Variants in BBS9 observed in about 807,000 individuals in gnomAD.
BBS9 encodes the protein Bardet-Biedl syndrome 9.
BBS9 carries 89 observed loss-of-function variants against 117.7 expected under a neutral mutation model. The observed-to-expected ratio is 0.76, with a 90% CI of 0.64 to 0.90. BBS9 has a LOEUF of 0.90. BBS9 is among the 40% of genes least tolerant of loss of function. BBS9 has a pLI of 0.00. For missense variants in BBS9, 982 were observed against 1,042.2 expected, an observed-to-expected ratio of 0.94 and a Z score of 0.80; for synonymous variants, 379 against 370.9, an observed-to-expected ratio of 1.02 and a Z score of -0.25.
chr7:33,582,289 A>T (rs1324184058), intron 21 of BBS9, among the ~76,000 whole-genome samples: 1 of 152,086 alleles, frequency 6.6e-6, no homozygotes, highest in African/African-American at 2.4e-5. Flanking sequence ...AAAAAGGCAC[A>T]GAGGTGGGGC....
intron 19 of BBS9, among the ~76,000 whole-genome samples, chr7:33,433,647 A>C (rs1016898003): frequency 6.6e-6 from 1 of 152,202 alleles, no homozygotes; most frequent in Non-Finnish European, 1.5e-5. Flanking sequence ...CCTCTGGATC[A>C]GCTAGTCTTG....
intron 16 of BBS9, among the ~76,000 whole-genome samples, chr7:33,364,637 TC>T (rs1242571783): frequency 1.2e-4 from 7 of 59,020 alleles, no homozygotes; most frequent in Non-Finnish European, 2.1e-4. Context: ...TCCTCTCCCC[TC>T]CCCTTCCCCC....
intron 18 of BBS9, among the ~76,000 whole-genome samples, chr7:33,385,023 C>T (rs1825766732): frequency 6.6e-6 from 1 of 152,140 alleles, no homozygotes; most frequent in East Asian, 1.9e-4. Context: ...TTTGCAATTC[C>T]TTGGGATATA....
intron 9 of BBS9, among the ~76,000 whole-genome samples, chr7:33,290,987 A>G (rs17170170): frequency 0.18 from 27,449 of 152,150 alleles, 2,997 homozygotes; most frequent in East Asian, 0.44. Context: ...CAGTTCAGTA[A>G]ATATACCATT....
chr7:33,192,882 C>G (rs947491132), intron 5 of BBS9, among the ~76,000 whole-genome samples: 3 of 152,216 alleles, frequency 2.0e-5, no homozygotes, highest in Non-Finnish European at 2.9e-5. Context: ...TCACAAGGCA[C>G]TAATCCATTC....
rs1452257239 is a variant in BBS9 at position 33,225,036 on chromosome 7, G to A, written c.443-32200G>A. Among the ~76,000 whole-genome samples the A allele has an allele frequency of 4.6e-5, 7 of 152,148 alleles. No homozygotes were observed. The East Asian group carries it at 1.3e-3, about 29-fold the overall frequency. On this transcript the variant is annotated intron_variant, in intron 5 of 22. Coordinates refer to ENST00000242067, the MANE Select transcript of BBS9 (RefSeq NM_198428.3). ...CCAGAGATATATTCTTAGGAGAAAGGCAGAATAAATGCTTTGTTGTTTCCC... is the reference window on the plus strand; with the variant it reads ...CCAGAGATATATTCTTAGGAGAAAGACAGAATAAATGCTTTGTTGTTTCCC...
intron 1 of BBS9, among the ~76,000 whole-genome samples, chr7:33,132,112 G>T (rs540956308): frequency 6.6e-6 from 1 of 152,262 alleles, no homozygotes; most frequent in Admixed American, 6.5e-5. Flanking sequence ...TCAAATTTAT[G>T]ACATACTTGC....
chr7:33,241,162 T>C (rs981669882), intron 5 of BBS9, among the ~76,000 whole-genome samples: 1 of 152,160 alleles, frequency 6.6e-6, no homozygotes, highest in African/African-American at 2.4e-5. Context: ...AATTGCTTGG[T>C]GGCTATTGTG....
chr7:33,381,450 G>A (rs1311205768), intron 17 of BBS9, among the ~76,000 whole-genome samples: 1 of 152,120 alleles, frequency 6.6e-6, no homozygotes, highest in African/African-American at 2.4e-5. Context: ...ATGAATGAAA[G>A]TAAATAAATA....
intron 2 of BBS9, among the ~76,000 whole-genome samples, chr7:33,150,214 T>C (rs1187362538): frequency 1.3e-5 from 2 of 152,246 alleles, no homozygotes; most frequent in Admixed American, 1.3e-4. Context: ...GAAATGTTTC[T>C]GCAGAGTACC....
chr7:33,275,136 G>A (rs1157711074), intron 9 of BBS9, among the ~76,000 whole-genome samples: 1 of 151,562 alleles, frequency 6.6e-6, no homozygotes, highest in Non-Finnish European at 1.5e-5. Flanking sequence ...ATTCATATTT[G>A]CATCAGTGTT....
chr7:33,285,119 C>T lies in BBS9; in HGVS notation c.1016+11163C>T, dbSNP rs142272414. Among the ~76,000 whole-genome samples the T allele has an allele frequency of 5.8e-3, 878 of 152,120 alleles. 11 individuals carry two copies. Among genetic ancestry groups the T allele is most frequent in the African/African-American group, 0.018 (755 of 41,516 alleles). On this transcript the variant is annotated intron_variant, in intron 9 of 22. Coordinates refer to ENST00000242067, the MANE Select transcript of BBS9 (RefSeq NM_198428.3). The stretch of plus-strand genomic sequence containing the variant: ...GTCAATAGATAGTGTAGAGGGGCCA[C>T]GGGCAGTGGTAGAGGTTGGAAAGAT...
At chr7:33,431,774 AAGAC>A (rs1834505428) in intron 19 of BBS9, among the ~76,000 whole-genome samples, 2 of 152,236 alleles carry the variant, frequency 1.3e-5, no homozygotes, top group Admixed American at 1.3e-4. Context: ...CAAATGGACT[AAGAC>A]AGAAAGAGAG....
At position 33,381,934 on chromosome 7, in the gene BBS9, T is replaced by C. The variant is rs540860364; in HGVS notation, c.1790-1732T>C. The stretch of plus-strand genomic sequence containing the variant: ...GACAAATTGAAGTCCTAATAACCAA[T>C]CCGAAGAAGTAATTGCATTTATAAA... On this transcript the variant is annotated intron_variant, in intron 17 of 22. Transcript: ENST00000242067. 2.6e-5 allele frequency among the ~76,000 whole-genome samples: 4 copies of C among 152,206 alleles called. No individual in the cohort carries two copies. In the South Asian group the frequency reaches 6.2e-4, roughly 24 times the overall value.
In BBS9 at chr7:33,597,320, G is replaced by A. The variant is rs146986388; in HGVS notation, c.2522-7545G>A. 5.2e-3 allele frequency among the ~76,000 whole-genome samples: 794 copies of A among 152,118 alleles called. 7 individuals are homozygous for A. The highest frequency in any genetic ancestry group is 0.019 in the African/African-American group (774 of 41,508). On this transcript the variant is annotated intron_variant, in intron 21 of 22. Transcript: ENST00000242067. ...AAATGTCACTGGTGTATATTTTTGAGGTTTCTGCTGTTTTTAATTCTTAGT... is the reference window on the plus strand; with the variant it reads ...AAATGTCACTGGTGTATATTTTTGAAGTTTCTGCTGTTTTTAATTCTTAGT...
At chr7:33,188,040 C>T (rs985984036) in intron 5 of BBS9, among the ~76,000 whole-genome samples, 3 of 148,554 alleles carry the variant, frequency 2.0e-5, no homozygotes, top group African/African-American at 2.5e-5. Flanking sequence ...ATGTGCAAAA[C>T]GATGCCCTAG....
At chr7:33,259,893 T>G (rs1288813499) in intron 6 of BBS9, among the ~76,000 whole-genome samples, 1 of 151,946 alleles carries the variant, frequency 6.6e-6, no homozygotes, top group African/African-American at 2.4e-5. Context: ...GATTTCCGTT[T>G]TTTTTTTTTT....
intron 21 of BBS9, among the ~76,000 whole-genome samples, chr7:33,614,042 T>C (rs1042141227): frequency 2.0e-5 from 3 of 152,102 alleles, no homozygotes; most frequent in African/African-American, 7.2e-5. Context: ...TTTTATGATA[T>C]GCTGAGCTGT....
At chr7:33,534,600 C>T (rs1851082597) in intron 21 of BBS9, among the ~76,000 whole-genome samples, 1 of 152,104 alleles carries the variant, frequency 6.6e-6, no homozygotes, top group Non-Finnish European at 1.5e-5. Flanking sequence ...GGATTGTGGT[C>T]ATCAGAATAA....
Sources: gnomAD v4.1 joint callset for allele counts (sites outside exome capture counted in the v4.1 genomes callset) on GRCh38, gnomAD v4.1.1 for gene constraint, MANE v1.5 for transcripts, NCBI Gene and HGNC (gene_info 2026-07-23, HGNC 2026-07-21) for gene names.